The following TCF20 variants were observed in gnomAD, a reference collection of about 807,000 sequenced individuals.
TCF20 encodes transcription factor 20.
In TCF20, 3 loss-of-function variants were observed where a neutral mutation model predicts 148.6. The ratio of observed to expected loss-of-function variants is 0.02; its 90% CI spans 0.01 to 0.05. The LOEUF (loss-of-function observed/expected upper bound fraction) is 0.05. Ranked by LOEUF, TCF20 falls within the 10% of genes least tolerant of loss-of-function variation. The pLI is 1.00. For synonymous variants in TCF20, 1,049 were observed against 909.5 expected (o/e 1.15, Z -2.76); for missense variants, 2,350 against 2,429.3 (o/e 0.97, Z 0.69).
At position 42,219,355 on chromosome 22, in the gene TCF20, C is replaced by CAAAAAAAAAAAAAAAAAAAAAAAAAA. The variant is rs528664836; in HGVS notation, c.-36-4040_-36-4015dup. Among the ~76,000 whole-genome samples, 65 of 43,544 alleles carry CAAAAAAAAAAAAAAAAAAAAAAAAAA rather than the reference C, an allele frequency of 1.5e-3. 3 individuals carry two copies. The highest frequency in any genetic ancestry group is 3.1e-3 in the South Asian group (3 of 976). The allele number at this position is 43,544 out of a possible 152,430, so 28.6% of individuals were successfully genotyped here. On this transcript the variant is annotated intron_variant, in intron 1 of 5. Transcript: ENST00000677622. The stretch of plus-strand genomic sequence containing the variant: ...ACCCTGGGTGACAGTAACCCTGTCT[C>CAAAAAAAAAAAAAAAAAAAAAAAAAA]AAAAAAAAAAAAAAAAAAAAAAAAA...
chr22:42,231,086 C>G (rs910988946), intron 1 of TCF20, among the ~76,000 whole-genome samples: 4 of 152,054 alleles, frequency 2.6e-5, no homozygotes, highest in Non-Finnish European at 5.9e-5. Flanking sequence ...CGCTTGAACT[C>G]GCGACATGGA....
At chr22:42,296,962 G>A (rs553838556) in intron 1 of TCF20, among the ~76,000 whole-genome samples, 21 of 152,322 alleles carry the variant, frequency 1.4e-4, no homozygotes, top group African/African-American at 1.4e-4. Flanking sequence ...CATGCACTCC[G>A]GCACTGACAT....
At chr22:42,219,374 A>AAAAAAAAAAAAAAAAAAAAAC in intron 1 of TCF20, among the ~76,000 whole-genome samples, 2 of 136,014 alleles carry the variant, frequency 1.5e-5, no homozygotes, top group African/African-American at 5.3e-5. Context: ...AAAAAAAAAA[A>AAAAAAAAAAAAAAAAAAAAAC]AAAAAAAGCT....
chr22:42,283,178 C>T (rs1426330253), intron 1 of TCF20, among the ~76,000 whole-genome samples: 1 of 152,258 alleles, frequency 6.6e-6, no homozygotes, highest in Non-Finnish European at 1.5e-5. Context: ...TCTCTCGGCC[C>T]TCGCTCCGTG....
intron 1 of TCF20, among the ~76,000 whole-genome samples, chr22:42,281,520 C>A (rs1174072051): frequency 6.6e-6 from 1 of 152,226 alleles, no homozygotes; most frequent in Non-Finnish European, 1.5e-5. Flanking sequence ...CCGCCTCTTA[C>A]ACCTTGGATG....
intron 1 of TCF20, among the ~76,000 whole-genome samples, chr22:42,266,389 A>G (rs1926288230): frequency 6.6e-6 from 1 of 152,228 alleles, no homozygotes; most frequent in Admixed American, 6.5e-5. Context: ...GCCTATATGA[A>G]AGGTAGGTTG....
chr22:42,285,935 A>G (rs997053482), upstream of TCF20, among the ~76,000 whole-genome samples: 1 of 152,200 alleles, frequency 6.6e-6, no homozygotes, highest in African/African-American at 2.4e-5. This position sits in a 1 kb window ranked among gnomAD's most constrained non-coding sequence, Gnocchi z 4.2. Flanking sequence ...GCCACTTTCT[A>G]TGCTTTTCCC....
chr22:42,325,069 G>A (rs756765491), intron 1 of TCF20, among the ~76,000 whole-genome samples: 3 of 152,256 alleles, frequency 2.0e-5, no homozygotes, highest in Non-Finnish European at 4.4e-5. Context: ...CCGCATGGGC[G>A]GGTGGGAGGA....
chr22:42,332,236 G>A (rs1927989232), intron 1 of TCF20, among the ~76,000 whole-genome samples: 1 of 152,248 alleles, frequency 6.6e-6, no homozygotes, highest in Non-Finnish European at 1.5e-5. Context: ...GGCTCTGAGG[G>A]TATTAGCCAG....
intron 1 of TCF20, among the ~76,000 whole-genome samples, chr22:42,311,679 C>T (rs1927539347): frequency 6.6e-6 from 1 of 152,174 alleles, no homozygotes; most frequent in African/African-American, 2.4e-5. Flanking sequence ...CAGTCCCCTC[C>T]CCTGCAAAAC....
intron 3 of TCF20, among the ~76,000 whole-genome samples, chr22:42,176,704 G>A (rs1005376500): frequency 6.6e-6 from 1 of 152,174 alleles, no homozygotes; most frequent in Non-Finnish European, 1.5e-5. Flanking sequence ...TAATGCTCAA[G>A]TAACTAGAGG....
intron 5 of TCF20, among the ~76,000 whole-genome samples, chr22:42,168,259 C>T (rs887192091): frequency 3.9e-5 from 6 of 152,216 alleles, no homozygotes; most frequent in South Asian, 2.1e-4. Context: ...CTTTCTGAGA[C>T]GGGGGAAAGA....
chr22:42,311,595 T>A (rs950436037), intron 1 of TCF20, among the ~76,000 whole-genome samples: 2 of 152,064 alleles, frequency 1.3e-5, no homozygotes, highest in African/African-American at 2.4e-5. Flanking sequence ...CAAGGTGCAG[T>A]TGAAGGGTAT....
Position 42,168,687 on chromosome 22 carries a change from C to A in TCF20, c.5849G>T (p.Gly1950Val), listed in dbSNP as rs200975001. 2 of 1,610,654 alleles carry A rather than the reference C, an allele frequency of 1.2e-6. No homozygotes were observed. The highest frequency in any genetic ancestry group is 2.2e-5 in the South Asian group (2 of 90,514). The change falls in exon 5 of 6, where the codon GGC (glycine) becomes GTC (valine). Residue 1950 changes from glycine (G) to valine (V), a missense_variant. Coordinates refer to ENST00000677622, the MANE Select transcript of TCF20 (RefSeq NM_001378418.1). ...CTCCGACTGCTCTGTGCTGAGGCTG[C>A]CTTTCGCGGTCTTGTTCTGCAAGGG... ...LPPLQNKTAK[G>V]SLSTEQSERG
Position 42,214,121 on chromosome 22 carries a change from A to G in TCF20, c.1185T>C (p.Asn395=). ...GCACACTGCCTTGCCCACACTGGAG[A>G]TTCTCCCCAGTCTGCATGAGAGGAG... The part of the protein sequence containing the change: ...TPSPLMQTGE[N]LQCGQGSVPM... The change falls in exon 2 of 6, where the codon AAT becomes AAC. Residue 395 remains asparagine, a synonymous_variant. Coordinates refer to ENST00000677622, the MANE Select transcript of TCF20 (RefSeq NM_001378418.1). 6.2e-7 allele frequency: 1 copy of G among 1,614,180 alleles called. No individual in the cohort carries two copies. The highest frequency in any genetic ancestry group is 8.5e-7 in the Non-Finnish European group (1 of 1,180,034).
chr22:42,183,746 T>C (rs375060062), intron 2 of TCF20, among the ~76,000 whole-genome samples: 2 of 151,852 alleles, frequency 1.3e-5, no homozygotes, highest in African/African-American at 4.8e-5. Flanking sequence ...CCCAAGACTC[T>C]CAAGTGATTG....
At chr22:42,178,865 G>C (rs1277723463) in intron 3 of TCF20, among the ~76,000 whole-genome samples, 1 of 151,638 alleles carries the variant, frequency 6.6e-6, no homozygotes, top group Non-Finnish European at 1.5e-5. Flanking sequence ...ACATTAAAAA[G>C]ATAAACAACC....
intron 1 of TCF20, among the ~76,000 whole-genome samples, chr22:42,339,905 G>T (rs140198269): frequency 3.0e-3 from 464 of 152,332 alleles, no homozygotes; most frequent in African/African-American, 0.01. Context: ...CAGGATGCAC[G>T]AAAGAGTTTT....
chr22:42,164,719 AG>A (rs1329118128), intron 5 of TCF20, among the ~76,000 whole-genome samples: 1 of 152,186 alleles, frequency 6.6e-6, no homozygotes, highest in South Asian at 2.1e-4. Flanking sequence ...GCAAGCGAGG[AG>A]GGGGGCAATG....
Sources: gnomAD v4.1 joint callset for allele counts (sites outside exome capture counted in the v4.1 genomes callset) on GRCh38, gnomAD v4.1.1 for gene constraint, Gnocchi (gnomAD v3.1) non-coding constraint, MANE v1.5 for transcripts, NCBI Gene and HGNC (gene_info 2026-07-23, HGNC 2026-07-21) for gene names.